The following CELF2 variants were observed in gnomAD, a reference collection of about 807,000 sequenced individuals.
The protein encoded by CELF2 is CUG triplet repeat RNA-binding protein 2.
In CELF2, 8 loss-of-function variants were observed where a neutral mutation model predicts 62.6. The ratio of observed to expected loss-of-function variants is 0.13; its 90% CI spans 0.07 to 0.23. The LOEUF is 0.23. Ranked by LOEUF, CELF2 falls within the 10% of genes least tolerant of loss-of-function variation. The probability of loss-of-function intolerance (pLI) is 1.00; values close to 1 mark genes in which losing one functional copy is unlikely to be tolerated. For synonymous variants in CELF2, 258 were observed against 250.0 expected (o/e 1.03, Z -0.30); for missense variants, 333 against 671.0 (o/e 0.50, Z 5.56).
chr10:11,009,075 G>T (rs2055913344), intron 1 of CELF2, among the ~76,000 whole-genome samples: 1 of 150,604 alleles, frequency 6.6e-6, no homozygotes, highest in East Asian at 2.0e-4. Flanking sequence ...CTGGATATGG[G>T]ATTCTTTTTC....
At chr10:10,906,717 C>CTTTTTTTTTT (rs397846553) in intron 1 of CELF2, among the ~76,000 whole-genome samples, 4 of 109,278 alleles carry the variant, frequency 3.7e-5, no homozygotes, top group Admixed American at 1.3e-4. Flanking sequence ...TTTTTCTTTT[C>CTTTTTTTTTT]TTTTTTTTTT....
chr10:10,550,088 C>T, the CELF2 span, among the ~76,000 whole-genome samples: 1 of 152,258 alleles, frequency 6.6e-6, no homozygotes, highest in South Asian at 2.1e-4. Context: ...CTATTAATAG[C>T]CTACTATTGA....
the CELF2 span, among the ~76,000 whole-genome samples, chr10:10,781,162 C>A: frequency 1.3e-5 from 2 of 152,228 alleles, no homozygotes; most frequent in Non-Finnish European, 2.9e-5. Context: ...TCTTGCACCA[C>A]ATAATGGCAT....
chr10:11,284,663 G>A (rs1342150738), intron 8 of CELF2, among the ~76,000 whole-genome samples: 1 of 151,316 alleles, frequency 6.6e-6, no homozygotes, highest in Non-Finnish European at 1.5e-5. Context: ...GTGTGCTGAT[G>A]AAGGATGTGT....
At chr10:10,974,060 C>T (rs1174998799) in intron 2 of CELF2, among the ~76,000 whole-genome samples, 1 of 152,180 alleles carries the variant, frequency 6.6e-6, no homozygotes, top group African/African-American at 2.4e-5. Flanking sequence ...ATACCAGAAT[C>T]TCAGCTCTCC....
the CELF2 span, among the ~76,000 whole-genome samples, chr10:10,535,213 G>A: frequency 6.6e-6 from 1 of 152,176 alleles, no homozygotes; most frequent in African/African-American, 2.4e-5. Context: ...AGGAGAGAGT[G>A]TCAGAGTACA....
At chr10:11,235,830 T>C (rs1010217586) in intron 3 of CELF2, among the ~76,000 whole-genome samples, 1 of 152,218 alleles carries the variant, frequency 6.6e-6, no homozygotes, top group African/African-American at 2.4e-5. Flanking sequence ...GGGACAGCCT[T>C]GTTTGTTTAA....
the CELF2 span, among the ~76,000 whole-genome samples, chr10:10,620,177 A>G: frequency 1.3e-5 from 2 of 152,330 alleles, no homozygotes; most frequent in Admixed American, 1.3e-4. Context: ...TTTTGTAAAT[A>G]AAGTTGTATT....
intron 1 of CELF2, among the ~76,000 whole-genome samples, chr10:11,047,618 C>T (rs1205768303): frequency 2.0e-5 from 3 of 152,132 alleles, no homozygotes; most frequent in African/African-American, 7.2e-5. Flanking sequence ...TAAAGCTGCT[C>T]TTTTCTGTGT....
rs1023828656 is a variant in CELF2, at chr10:11,315,266, C to T, written c.1096+1008C>T. On this transcript the variant is annotated intron_variant, in intron 10 of 12. Coordinates refer to ENST00000633077, the MANE Select transcript of CELF2 (RefSeq NM_001326342.2). This position sits in a 1 kb window ranked among gnomAD's most constrained non-coding sequence, Gnocchi z 5.8. ...ACGACAGCTAACAGAGCTGCTGATA[C>T]GGGAGCCCAGTTAGCTACCATGCAG... Among the ~76,000 whole-genome samples the T allele has an allele frequency of 3.9e-5, 6 of 152,140 alleles. No individual in the cohort carries two copies. The highest frequency in any genetic ancestry group is 8.8e-5 in the Non-Finnish European group (6 of 68,034).
chr10:11,155,282 T>G (rs1417631531), intron 1 of CELF2, among the ~76,000 whole-genome samples: 3 of 152,222 alleles, frequency 2.0e-5, no homozygotes, highest in Non-Finnish European at 4.4e-5. Flanking sequence ...GCTGCCGTCC[T>G]TGGGAATGGC....
the CELF2 span, among the ~76,000 whole-genome samples, chr10:10,582,156 A>G: frequency 2.0e-5 from 3 of 152,140 alleles, no homozygotes; most frequent in African/African-American, 7.2e-5. Context: ...TTCCTATCAT[A>G]CTTTCTATCC....
At chr10:10,614,764 G>A in the CELF2 span, among the ~76,000 whole-genome samples, 2 of 152,132 alleles carry the variant, frequency 1.3e-5, no homozygotes, top group African/African-American at 2.4e-5. Context: ...GCCACCGATT[G>A]GAGGTTGGAT....
chr10:10,653,877 T>C, the CELF2 span, among the ~76,000 whole-genome samples: 647 of 150,846 alleles, frequency 4.3e-3, 5 homozygotes, highest in African/African-American at 0.014. Flanking sequence ...CAGAGCAGAA[T>C]TGAAGGAAAT....
intron 1 of CELF2, among the ~76,000 whole-genome samples, chr10:11,040,023 A>G (rs2061549146): frequency 6.6e-6 from 1 of 152,202 alleles, no homozygotes; most frequent in African/African-American, 2.4e-5. Context: ...TCCTATTTTC[A>G]GGGAGTTCAG....
the CELF2 span, among the ~76,000 whole-genome samples, chr10:10,597,158 A>G: frequency 6.6e-6 from 1 of 152,322 alleles, no homozygotes; most frequent in Admixed American, 6.5e-5. Context: ...TGTGTTCATC[A>G]GGGATAGAAA....
the CELF2 span, among the ~76,000 whole-genome samples, chr10:10,602,599 G>A: frequency 2.7e-4 from 41 of 152,124 alleles, no homozygotes; most frequent in Non-Finnish European, 4.4e-4. Context: ...AAACTCAGAC[G>A]TGGTGATCAG....
chr10:10,561,283 A>C, the CELF2 span, among the ~76,000 whole-genome samples: 2 of 152,284 alleles, frequency 1.3e-5, no homozygotes, highest in East Asian at 3.9e-4. Flanking sequence ...ACTCTGACCC[A>C]ACCCCGGGAG....
intron 1 of CELF2, among the ~76,000 whole-genome samples, chr10:11,149,168 T>C (rs2062834134): frequency 6.6e-6 from 1 of 152,142 alleles, no homozygotes; most frequent in Non-Finnish European, 1.5e-5. Context: ...CCTCCTGTGT[T>C]CAAGCGATTC....
Sources: gnomAD v4.1 joint callset for allele counts (sites outside exome capture counted in the v4.1 genomes callset) on GRCh38, gnomAD v4.1.1 for gene constraint, Gnocchi (gnomAD v3.1) non-coding constraint, MANE v1.5 for transcripts, NCBI Gene and HGNC (gene_info 2026-07-23, HGNC 2026-07-21) for gene names.